The following COG5 variants were observed in gnomAD, a reference collection of about 807,000 sequenced individuals.
The protein encoded by COG5 is component of oligomeric golgi complex 5.
A neutral mutation model predicts 110.4 loss-of-function variants in COG5; 86 were observed. The observed-to-expected ratio is 0.78, with a 90% CI of 0.65 to 0.93. The LOEUF is 0.93. COG5 is among the 40% of genes least tolerant of loss of function. The probability of loss-of-function intolerance (pLI) is 0.00; values close to 1 mark genes in which losing one functional copy is unlikely to be tolerated. For synonymous variants in COG5, 360 were observed against 334.6 expected, an observed-to-expected ratio of 1.08 and a Z score of -0.83; for missense variants, 1,077 against 987.0, an observed-to-expected ratio of 1.09 and a Z score of -1.22.
At chr7:107,375,986 A>G (rs1814607614) in intron 7 of COG5, among the ~76,000 whole-genome samples, 1 of 152,032 alleles carries the variant, frequency 6.6e-6, no homozygotes, top group South Asian at 2.1e-4. Context: ...ACCTGGAATT[A>G]ATTTCTATAC....
At chr7:107,224,815 G>A (rs1800202600) in intron 19 of COG5, among the ~76,000 whole-genome samples, 1 of 152,140 alleles carries the variant, frequency 6.6e-6, no homozygotes, top group African/African-American at 2.4e-5. Context: ...AATCACCCAG[G>A]GGCAAATCAC....
intron 16 of COG5, among the ~76,000 whole-genome samples, chr7:107,249,458 T>C (rs73726018): frequency 0.013 from 2,011 of 152,098 alleles, 53 homozygotes; most frequent in African/African-American, 0.045. Context: ...AAACCCTAGG[T>C]CTTAGTTATG....
intron 10 of COG5, among the ~76,000 whole-genome samples, chr7:107,338,079 T>G (rs1404348579): frequency 6.6e-6 from 1 of 152,112 alleles, no homozygotes; most frequent in Non-Finnish European, 1.5e-5. Flanking sequence ...ACTACATTTT[T>G]CTTCAATAAA....
Position 107,298,328 on chromosome 7 carries a change from T to G in COG5, c.1127A>C (p.Gln376Pro), listed in dbSNP as rs1254916427. 1.5e-5 allele frequency: 24 copies of G among 1,613,246 alleles called. No individual in the cohort carries two copies. The highest frequency in any genetic ancestry group is 1.9e-5 in the Non-Finnish European group (23 of 1,179,588). ...TTTAGGGTATTCTCCTTCAAATGCCTGCTTCAAAAACATCGAAGCTGCCAA... is the reference window on the plus strand; with the variant it reads ...TTTAGGGTATTCTCCTTCAAATGCCGGCTTCAAAAACATCGAAGCTGCCAA... ...MATNSSMFLK[Q>P]AFEGEYPKLL... The change falls in exon 12 of 22, where the codon CAG (glutamine) becomes CCG (proline). Residue 376 changes from glutamine (Q) to proline (P), a missense_variant. Gln to Pro is a moderately conservative substitution (Grantham distance 76). Coordinates refer to ENST00000297135, the MANE Select transcript of COG5 (RefSeq NM_006348.5).
At chr7:107,319,834 T>G (rs1257191160) in intron 11 of COG5, among the ~76,000 whole-genome samples, 2 of 152,098 alleles carry the variant, frequency 1.3e-5, no homozygotes, top group African/African-American at 4.8e-5. Flanking sequence ...GTGGTAGTGC[T>G]CTTGTAGGCC....
intron 10 of COG5, among the ~76,000 whole-genome samples, chr7:107,336,119 A>C (rs1268577658): frequency 6.6e-6 from 1 of 152,202 alleles, no homozygotes; most frequent in African/African-American, 2.4e-5. Flanking sequence ...TGTTTAATGA[A>C]GCACTATTCA....
At chr7:107,433,493 TG>T (rs1167094782) in intron 6 of COG5, among the ~76,000 whole-genome samples, 3 of 152,082 alleles carry the variant, frequency 2.0e-5, no homozygotes, top group Non-Finnish European at 4.4e-5. Context: ...TACAGATCAG[TG>T]GAATAGAGAG....
At chr7:107,353,983 A>G (rs61005518) in intron 10 of COG5, among the ~76,000 whole-genome samples, 2,838 of 152,292 alleles carry the variant, frequency 0.019, 86 homozygotes, top group African/African-American at 0.063. Context: ...GGAGGATTAC[A>G]TTGAAAACTA....
intron 10 of COG5, among the ~76,000 whole-genome samples, chr7:107,360,025 C>G (rs1438615122): frequency 6.6e-6 from 1 of 152,176 alleles, no homozygotes; most frequent in Non-Finnish European, 1.5e-5. Flanking sequence ...CTCCTCTATG[C>G]TGAGGGCTGC....
At chr7:107,316,470 G>A (rs1808749567) in intron 11 of COG5, among the ~76,000 whole-genome samples, 1 of 151,936 alleles carries the variant, frequency 6.6e-6, no homozygotes, top group South Asian at 2.1e-4. Context: ...TAATGACCCA[G>A]GAGATAAAGG....
intron 6 of COG5, among the ~76,000 whole-genome samples, chr7:107,476,529 C>G (rs1797006718): frequency 6.6e-6 from 1 of 151,478 alleles, no homozygotes; most frequent in Non-Finnish European, 1.5e-5. Context: ...AGGCATTTTT[C>G]TCTCCCACCC....
chr7:107,473,461 C>A (rs1207371277), intron 6 of COG5, among the ~76,000 whole-genome samples: 1 of 151,798 alleles, frequency 6.6e-6, no homozygotes, highest in Non-Finnish European at 1.5e-5. Flanking sequence ...GGAAATAACC[C>A]CAAATATCAC....
intron 5 of COG5, among the ~76,000 whole-genome samples, chr7:107,531,254 T>G (rs1801180511): frequency 1.3e-5 from 2 of 152,206 alleles, no homozygotes; most frequent in African/African-American, 4.8e-5. Context: ...ATATTACCTG[T>G]AAATTAGTAG....
At chr7:107,251,086 C>G (rs1007221161) in intron 16 of COG5, among the ~76,000 whole-genome samples, 1 of 120,304 alleles carries the variant, frequency 8.3e-6, no homozygotes, top group Admixed American at 9.9e-5. Flanking sequence ...CTAGGCACAT[C>G]ATAAACTGTT....
intron 5 of COG5, 48 bp from the exon 6 acceptor site, chr7:107,527,405 T>TCA: frequency 1.2e-6 from 2 of 1,601,144 alleles, no homozygotes. Flanking sequence ...GAAGTTTTAT[T>TCA]ACTATTAATA....
chr7:107,549,537 G>T (rs1009476833), intron 3 of COG5, among the ~76,000 whole-genome samples: 2 of 149,578 alleles, frequency 1.3e-5, no homozygotes, highest in East Asian at 3.9e-4. Context: ...GATTACAGGC[G>T]CCCACCACCA....
chr7:107,268,749 A>G (rs1434583457), intron 14 of COG5, among the ~76,000 whole-genome samples: 1 of 152,106 alleles, frequency 6.6e-6, no homozygotes, highest in Non-Finnish European at 1.5e-5. Context: ...AATCCCTAAT[A>G]ATGTTTTTTG....
chr7:107,203,160 G>A lies in COG5; in HGVS notation c.*356C>T, dbSNP rs1798482054. 8 of 292,510 alleles carry A rather than the reference G, an allele frequency of 2.7e-5. No individual in the cohort carries two copies. The highest frequency in any genetic ancestry group is 1.8e-4 in the South Asian group (5 of 27,992). The allele number at this position is 292,510 out of a possible 1,614,324, so 18.1% of individuals were successfully genotyped here. A position where few individuals can be genotyped will look rare whatever the true frequency, so the allele number is the denominator to read the frequency against. On this transcript the variant is annotated 3_prime_UTR_variant, in exon 22 of 22. Coordinates refer to ENST00000297135, the MANE Select transcript of COG5 (RefSeq NM_006348.5). ...AAGAAGGCAGGGTTGGGGGAAGCAG[G>A]GTACATGTTATAACTTGATCATATC...
chr7:107,355,303 T>C (rs1212916021), intron 10 of COG5, among the ~76,000 whole-genome samples: 4 of 152,222 alleles, frequency 2.6e-5, no homozygotes, highest in African/African-American at 9.6e-5. Flanking sequence ...TAACTCTCTT[T>C]CTTTGCTAAT....
Sources: gnomAD v4.1 joint callset for allele counts (sites outside exome capture counted in the v4.1 genomes callset) on GRCh38, gnomAD v4.1.1 for gene constraint, MANE v1.5 for transcripts, NCBI Gene and HGNC (gene_info 2026-07-23, HGNC 2026-07-21) for gene names.